Variants in PCBP3 observed in about 807,000 individuals in gnomAD.
PCBP3 encodes the protein poly(rC)-binding protein 3.
Under a neutral mutation model 52.7 loss-of-function variants are expected in PCBP3, and 25 were observed. That is an observed-to-expected ratio of 0.47 (90% confidence interval 0.35 to 0.66). The LOEUF (loss-of-function observed/expected upper bound fraction) is 0.66. PCBP3 is among the 30% of genes least tolerant of loss of function. The pLI, the probability that PCBP3 is intolerant of heterozygous loss-of-function variation, is 0.01. For missense variants in PCBP3, 391 were observed against 490.3 expected, an observed-to-expected ratio of 0.80 and a Z score of 1.91; for synonymous variants, 162 against 183.0, an observed-to-expected ratio of 0.89 and a Z score of 0.93.
At chr21:45,662,194 G>C (rs551997015) in intron 1 of PCBP3, among the ~76,000 whole-genome samples, 21 of 145,258 alleles carry the variant, frequency 1.4e-4, no homozygotes, top group South Asian at 2.2e-4. Context: ...TGCAGCCTCT[G>C]CCTCCCAGGC....
rs1032413790 is a variant in PCBP3 at position 45,875,083 on chromosome 21, G to A, written c.11-21125G>A. 4.6e-5 allele frequency among the ~76,000 whole-genome samples: 7 copies of A among 152,256 alleles called. No homozygotes were observed. In the East Asian group the frequency reaches 7.7e-4, roughly 17 times the overall value. ...CCCGAGCAGCGCGGTCGCCCCTGAC[G>A]CGGCACCTTCCTTCCAGGCTCCTAC... is the stretch of plus-strand genomic sequence containing the variant. On this transcript the variant is annotated intron_variant, in intron 5 of 17. Coordinates refer to ENST00000681687, the MANE Select transcript of PCBP3 (RefSeq NM_001384156.1).
chr21:45,658,227 T>C (rs1483093081), intron 1 of PCBP3, among the ~76,000 whole-genome samples: 4 of 152,244 alleles, frequency 2.6e-5, no homozygotes, highest in Non-Finnish European at 5.9e-5. Context: ...TGAGCCAACT[T>C]TGAATTCCCT....
intron 5 of PCBP3, chr21:45,870,860 A>C (rs2094973723): frequency 2.6e-5 from 4 of 152,732 alleles, no homozygotes; most frequent in Non-Finnish European, 5.8e-5. Flanking sequence ...GGGGATGGTG[A>C]GTCTTCTTAG....
At chr21:45,780,916 C>T (rs148475831) in intron 4 of PCBP3, among the ~76,000 whole-genome samples, 28 of 152,276 alleles carry the variant, frequency 1.8e-4, no homozygotes, top group East Asian at 1.5e-3. Flanking sequence ...CCACAAGCTC[C>T]GTGGGATCAC....
Position 45,896,042 on chromosome 21 carries a change from C to T in PCBP3, c.11-166C>T, listed in dbSNP as rs140683917. 3.9e-3 allele frequency among the ~76,000 whole-genome samples: 600 copies of T among 152,394 alleles called. 4 individuals are homozygous for T. Among genetic ancestry groups the T allele is most frequent in the African/African-American group, 0.014 (565 of 41,596 alleles). On this transcript the variant is annotated intron_variant, in intron 5 of 17. Coordinates refer to ENST00000681687, the MANE Select transcript of PCBP3 (RefSeq NM_001384156.1). The stretch of plus-strand genomic sequence containing the variant: ...TCTCCCAAGGCCCTCCCCTGAACTC[C>T]CGTGCACCCTGTGCCCAGCAGGCGA...
chr21:45,807,749 AAAAAC>A (rs1393819413), intron 4 of PCBP3, among the ~76,000 whole-genome samples: 22 of 150,922 alleles, frequency 1.5e-4, no homozygotes, highest in Non-Finnish European at 3.1e-4. Context: ...CAAAAAAAAC[AAAAAC>A]AAAACAAAAA....
rs944824629 is a variant in PCBP3, at chr21:45,805,827, A to G, written c.-125-44134A>G. 1.3e-5 allele frequency among the ~76,000 whole-genome samples: 2 copies of G among 152,038 alleles called. No homozygotes were observed. The highest frequency in any genetic ancestry group is 3.9e-4 in the East Asian group (2 of 5,174). On this transcript the variant is annotated intron_variant, in intron 4 of 17. Transcript: ENST00000681687. The surrounding 1 kb of genome is among the most constrained non-coding windows in gnomAD (Gnocchi z 4.6). ...CGCTCCTGTCTTTCTGTGGCAGCGA[A>G]GGTGGCATTCCCTCCTAGCACCTGC...
rs1357902479 is a variant in PCBP3, at chr21:45,821,444, C to T, written c.-125-28517C>T. Among the ~76,000 whole-genome samples the T allele has an allele frequency of 6.7e-6, 1 of 148,548 alleles. No homozygotes were observed. The highest frequency in any genetic ancestry group is 1.5e-5 in the Non-Finnish European group (1 of 66,962). ...TCCCCCTGCACCGTGCTGTGGGCCCCGCACCTTCCCCCAACTCTTTTCTAG... is the reference window on the plus strand; with the variant it reads ...TCCCCCTGCACCGTGCTGTGGGCCCTGCACCTTCCCCCAACTCTTTTCTAG... On this transcript the variant is annotated intron_variant, in intron 4 of 17. Transcript: ENST00000681687. This position sits in a 1 kb window ranked among gnomAD's most constrained non-coding sequence, Gnocchi z 4.4.
At chr21:45,855,858 C>T (rs2094271380) in intron 5 of PCBP3, among the ~76,000 whole-genome samples, 1 of 152,242 alleles carries the variant, frequency 6.6e-6, no homozygotes, top group African/African-American at 2.4e-5. Context: ...GAGGACTAAA[C>T]TCTGACCTTT....
intron 1 of PCBP3, among the ~76,000 whole-genome samples, chr21:45,664,279 G>A (rs1367547701): frequency 1.6e-5 from 2 of 126,152 alleles, no homozygotes; most frequent in African/African-American, 5.9e-5. Flanking sequence ...AATAATAGAA[G>A]CTAGAAGGCA....
intron 17 of PCBP3, among the ~76,000 whole-genome samples, chr21:45,941,409 T>G (rs2077455100): frequency 6.6e-6 from 1 of 152,126 alleles, no homozygotes; most frequent in African/African-American, 2.4e-5. Context: ...CAGGGCTGTG[T>G]AGGGGGCTCC....
chr21:45,762,486 C>CTTT (rs1401689005), intron 4 of PCBP3: 2 of 95,258 alleles, frequency 2.1e-5, no homozygotes, highest in African/African-American at 6.6e-5. Flanking sequence ...CTTTTCTTTT[C>CTTT]TTCTCTTTTT....
chr21:45,810,617 G>A (rs1289100471), intron 4 of PCBP3, among the ~76,000 whole-genome samples: 1 of 151,982 alleles, frequency 6.6e-6, no homozygotes, highest in Non-Finnish European at 1.5e-5. Flanking sequence ...TATAGCTATG[G>A]TCATGAGAGA....
At chr21:45,676,465 G>A (rs1261127490) in intron 2 of PCBP3, among the ~76,000 whole-genome samples, 1 of 151,922 alleles carries the variant, frequency 6.6e-6, no homozygotes, top group African/African-American at 2.4e-5. Flanking sequence ...TCATGTCTCT[G>A]TGTCACATTT....
chr21:45,766,554 G>A (rs1316811399), intron 4 of PCBP3, among the ~76,000 whole-genome samples: 3 of 152,202 alleles, frequency 2.0e-5, no homozygotes, highest in African/African-American at 2.4e-5. Context: ...TCCAGCTTCC[G>A]TGGAAGCCCC....
intron 9 of PCBP3, among the ~76,000 whole-genome samples, chr21:45,901,756 C>T (rs9637211): frequency 2.8e-5 from 3 of 107,194 alleles, no homozygotes; most frequent in African/African-American, 1.3e-4. Context: ...GAGAGAGAGA[C>T]AGAGACAGAG....
At chr21:45,875,981 G>A (rs998356095) in intron 5 of PCBP3, among the ~76,000 whole-genome samples, 1 of 152,216 alleles carries the variant, frequency 6.6e-6, no homozygotes. Context: ...CCCCGGTGCC[G>A]TGTGGGAACT....
intron 2 of PCBP3, among the ~76,000 whole-genome samples, chr21:45,732,320 C>T (rs1442834229): frequency 6.6e-6 from 1 of 151,962 alleles, no homozygotes; most frequent in Non-Finnish European, 1.5e-5. Context: ...ATCTAAGGTA[C>T]ACAATATAAT....
chr21:45,647,118 G>A (rs181161499), intron 1 of PCBP3, among the ~76,000 whole-genome samples: 1 of 152,302 alleles, frequency 6.6e-6, no homozygotes, highest in African/African-American at 2.4e-5. Flanking sequence ...TCACATGGTA[G>A]TAAGTTGTAT....
Sources: allele counts gnomAD v4.1 joint callset (sites outside exome capture counted in the v4.1 genomes callset), GRCh38; gene constraint gnomAD v4.1.1; non-coding constraint Gnocchi (gnomAD v3.1); transcripts MANE v1.5; gene names NCBI Gene and HGNC (gene_info 2026-07-23, HGNC 2026-07-21).